The following DNAH3 variants were observed in gnomAD, a reference collection of about 807,000 sequenced individuals.
DNAH3 encodes the protein dynein axonemal heavy chain 3.
In DNAH3, 332 loss-of-function variants were observed where a neutral mutation model predicts 432.5. That is an observed-to-expected ratio of 0.77 (90% CI 0.70 to 0.84). The LOEUF (loss-of-function observed/expected upper bound fraction) is 0.84. DNAH3 is among the 40% of genes least tolerant of loss of function. DNAH3 has a pLI of 0.00. For missense variants in DNAH3, 4,861 were observed against 5,114.0 expected, an observed-to-expected ratio of 0.95 and a Z score of 1.51; for synonymous variants, 1,956 against 1,900.2, an observed-to-expected ratio of 1.03 and a Z score of -0.76.
intron 37 of DNAH3, 37 bp from the exon 38 acceptor site, chr16:21,027,164 A>C (rs2088612656): frequency 6.7e-7 from 1 of 1,484,588 alleles, no homozygotes; most frequent in African/African-American, 1.4e-5. Flanking sequence ...GACAGGGGAA[A>C]GGCTTAAATT....
rs142945806 is a variant in DNAH3 at position 21,142,564 on chromosome 16, T to C, written c.449-1192A>G. Among the ~76,000 whole-genome samples, 618 of 152,228 alleles carry C rather than the reference T, an allele frequency of 4.1e-3. 5 individuals carry two copies. The highest frequency in any genetic ancestry group is 0.024 in the Middle Eastern group (7 of 292). The stretch of plus-strand genomic sequence containing the variant: ...AATTCAATAAGTGATATAAAAACTA[T>C]ATTATTCAACTTTAATTAGATATTA... On this transcript the variant is annotated intron_variant, in intron 3 of 61. Transcript: ENST00000261383.
At chr16:21,005,714 T>TG (rs2087267452) in intron 41 of DNAH3, among the ~76,000 whole-genome samples, 1 of 151,618 alleles carries the variant, frequency 6.6e-6, no homozygotes, top group Non-Finnish European at 1.5e-5. Context: ...GGCTTATAGG[T>TG]GCTCAACTCT....
At chr16:20,949,807 C>T (rs1417405908) in intron 56 of DNAH3, among the ~76,000 whole-genome samples, 1 of 152,166 alleles carries the variant, frequency 6.6e-6, no homozygotes, top group Non-Finnish European at 1.5e-5. Flanking sequence ...GCCTAACTAG[C>T]CTATCCTGAC....
intron 44 of DNAH3, among the ~76,000 whole-genome samples, chr16:20,990,769 C>A (rs1243075830): frequency 6.6e-6 from 1 of 152,140 alleles, no homozygotes; most frequent in Non-Finnish European, 1.5e-5. Flanking sequence ...CTCCTGTAAT[C>A]CCAGCACTTT....
chr16:21,094,322 A>G (rs1343648998), intron 18 of DNAH3, among the ~76,000 whole-genome samples: 2 of 152,206 alleles, frequency 1.3e-5, no homozygotes. Flanking sequence ...GCATTGGGGA[A>G]ATGCAAATTA....
chr16:21,127,917 A>T, intron 7 of DNAH3, 105 bp from the exon 9 acceptor site: 3 of 1,368,306 alleles, frequency 2.2e-6, no homozygotes, highest in Non-Finnish European at 3.1e-6. Flanking sequence ...ATGAAAGTTA[A>T]GCAGAATCAA....
At position 21,090,211 on chromosome 16, in the gene DNAH3, A is replaced by G. The variant is rs372425273; in HGVS notation, c.2666-3151T>C. On this transcript the variant is annotated intron_variant, in intron 18 of 61. Transcript: ENST00000261383. ...AAAATTTCCAAAATATAAAAACTTC[A>G]GAATCAGATGGTTTCACTGGAAAAT... 3.4e-4 allele frequency among the ~76,000 whole-genome samples: 51 copies of G among 152,156 alleles called. No individual in the cohort carries two copies. In the South Asian group the frequency reaches 8.9e-3, roughly 27 times the overall value.
At chr16:21,117,396 C>A in intron 11 of DNAH3, 57 bp from the exon 12 acceptor site, 1 of 957,788 alleles carries the variant, frequency 1.0e-6, no homozygotes, top group South Asian at 1.4e-5. Flanking sequence ...AGATGGTACC[C>A]AAATGCAAAG....
At chr16:21,133,623 C>T (rs2092601116) in intron 7 of DNAH3, among the ~76,000 whole-genome samples, 1 of 151,736 alleles carries the variant, frequency 6.6e-6, no homozygotes, top group Non-Finnish European at 1.5e-5. Flanking sequence ...GCCTGTAATC[C>T]CAGCTACTCG....
At chr16:21,086,706 T>C in intron 19 of DNAH3, 143 bp downstream of exon 19, 1 of 735,970 alleles carries the variant, frequency 1.4e-6, no homozygotes. Context: ...CTTGCCACTC[T>C]CATTTGCTAT....
At chr16:21,017,559 C>T (rs570637276) in intron 41 of DNAH3, among the ~76,000 whole-genome samples, 10 of 152,324 alleles carry the variant, frequency 6.6e-5, no homozygotes, top group Admixed American at 2.6e-4. Context: ...ACCTCACATA[C>T]GTTGATTGAT....
rs557838124 is a variant in DNAH3 at position 20,989,242 on chromosome 16, T to A, written c.6602-1177A>T. ...GTGCATTTACAATCCCTGAGCTAGA[T>A]ACAAAGGTTCTCCTCGTCCCCATCA... On this transcript the variant is annotated intron_variant, in intron 44 of 61. Transcript: ENST00000261383. Among the ~76,000 whole-genome samples, 4 of 152,170 alleles carry A rather than the reference T, an allele frequency of 2.6e-5. 1 individual carries two copies. In the East Asian group the frequency reaches 7.7e-4, roughly 29 times the overall value.
intron 53 of DNAH3, among the ~76,000 whole-genome samples, chr16:20,962,260 A>C (rs1388401424): frequency 6.6e-6 from 1 of 152,218 alleles, no homozygotes; most frequent in African/African-American, 2.4e-5. Context: ...AAGGCCACTA[A>C]AACTATTAAA....
intron 7 of DNAH3, among the ~76,000 whole-genome samples, chr16:21,128,390 A>C (rs1271050708): frequency 6.6e-6 from 1 of 151,564 alleles, no homozygotes; most frequent in Non-Finnish European, 1.5e-5. Context: ...CTCTCCAAAA[A>C]CAAAACAAAA....
intron 1 of DNAH3, among the ~76,000 whole-genome samples, chr16:21,157,914 G>GC (rs2092910137): frequency 1.1e-5 from 1 of 93,276 alleles, no homozygotes; most frequent in Non-Finnish European, 2.1e-5. Flanking sequence ...ACAACTGGAG[G>GC]TGGGGGGGGG....
At position 21,104,087 on chromosome 16, in the gene DNAH3, CT is replaced by C. The variant is rs2091896294; in HGVS notation, c.2366+383del. The C allele has an allele frequency of 2.7e-5, 5 of 186,906 alleles. No individual in the cohort carries two copies. In the South Asian group the frequency reaches 6.2e-4, roughly 23 times the overall value. 11.6% of individuals were successfully genotyped at this position (186,906 alleles called of 1,614,324 possible). The stretch of plus-strand genomic sequence containing the variant: ...CAAAATAGGCAATTTCTCAGCCCCC[CT>C]GCCATGCCTTTATTATCTTGATATC... On this transcript the variant is annotated intron_variant, in intron 16 of 61. Coordinates refer to ENST00000261383, the Ensembl canonical transcript of DNAH3.
chr16:20,967,423 A>T (rs904574208), intron 52 of DNAH3, among the ~76,000 whole-genome samples: 13 of 150,852 alleles, frequency 8.6e-5, no homozygotes, highest in African/African-American at 1.2e-4. Context: ...CTTAAAAAAA[A>T]TCCTAATGCT....
chr16:21,072,655 G>C (rs1358482514), intron 21 of DNAH3, among the ~76,000 whole-genome samples: 1 of 150,408 alleles, frequency 6.6e-6, no homozygotes. Flanking sequence ...CATTTATTGG[G>C]TCTTTTTTGA....
rs1210733444 is a variant in DNAH3, at chr16:20,936,689, C to T, written c.11819G>A (p.Gly3940Asp). Residue 3940 changes from glycine (G) to aspartate (D), a missense_variant, in exon 60 of 62, where the codon GGC (glycine) becomes GAC (aspartate). Physicochemically the swap from Gly to Asp is moderately conservative, Grantham distance 94. Transcript: ENST00000261383. ...GCGGGCCAGCAGGTCAGCCACGTAG[C>T]CCCCCAGAGGCTTCAGTGATGGGTA... 3.7e-6 allele frequency: 6 copies of T among 1,606,264 alleles called. No homozygotes were observed. The Admixed American group carries it at 6.7e-5, about 18-fold the overall frequency.
Sources: allele counts gnomAD v4.1 joint callset (sites outside exome capture counted in the v4.1 genomes callset), GRCh38; gene constraint gnomAD v4.1.1; transcripts MANE v1.5; gene names NCBI Gene and HGNC (gene_info 2026-07-23, HGNC 2026-07-21).